The following DPP10 variants were observed in gnomAD, a reference collection of about 807,000 sequenced individuals.
DPP10 encodes dipeptidyl peptidase like 10, also known as inactive dipeptidyl peptidase 10.
DPP10 carries 33 observed loss-of-function variants against 120.9 expected under a neutral mutation model. The ratio of observed to expected loss-of-function variants is 0.27; its 90% CI spans 0.21 to 0.37. DPP10 has a LOEUF of 0.37. Among genes scored for constraint, DPP10 ranks in the 10% least tolerant of loss-of-function variants. The pLI, the probability that DPP10 is intolerant of heterozygous loss-of-function variation, is 1.00. For synonymous variants in DPP10, 337 were observed against 326.1 expected, an observed-to-expected ratio of 1.03 and a Z score of -0.36; for missense variants, 816 against 942.8, an observed-to-expected ratio of 0.87 and a Z score of 1.76.
intron 1 of DPP10, among the ~76,000 whole-genome samples, chr2:114,798,862 C>CACGCCTGT (rs1558752522): frequency 6.6e-6 from 1 of 152,008 alleles, no homozygotes; most frequent in African/African-American, 2.4e-5. Flanking sequence ...GGCATGGTTG[C>CACGCCTGT]TCACGCCTGT....
chr2:115,055,692 T>G (rs1705843553), intron 1 of DPP10, among the ~76,000 whole-genome samples: 1 of 152,218 alleles, frequency 6.6e-6, no homozygotes, highest in South Asian at 2.1e-4. Context: ...ATTGCAACAC[T>G]GGTAGAACGG....
intron 1 of DPP10, among the ~76,000 whole-genome samples, chr2:114,861,284 G>T (rs1689790665): frequency 6.6e-6 from 1 of 152,106 alleles, no homozygotes; most frequent in South Asian, 2.1e-4. Flanking sequence ...AACAGCAGAG[G>T]CTGCACAACT....
At chr2:115,707,746 A>G (rs955335577) in intron 7 of DPP10, among the ~76,000 whole-genome samples, 1 of 151,904 alleles carries the variant, frequency 6.6e-6, no homozygotes, top group Non-Finnish European at 1.5e-5. Flanking sequence ...TGATTCTTCT[A>G]TATGTGCAGG....
chr2:115,631,037 CTTTTTTTTTTTTTTT>C (rs58468918), intron 5 of DPP10, among the ~76,000 whole-genome samples: 61,324 of 115,284 alleles, frequency 0.53, 16,094 homozygotes, highest in Middle Eastern at 0.66. Context: ...TGATCCTGGG[CTTTTTTTTTTTTTTT>C]TTTTTTTTTG....
chr2:114,682,409 A>G (rs1167045183), intron 1 of DPP10, among the ~76,000 whole-genome samples: 2 of 151,844 alleles, frequency 1.3e-5, no homozygotes, highest in East Asian at 3.9e-4. Flanking sequence ...ATTCTAGTTT[A>G]CCTTCATCTT....
rs1378099690 is a variant in DPP10, at chr2:114,508,124, A to G, written c.60+65286A>G. 2.0e-5 allele frequency among the ~76,000 whole-genome samples: 3 copies of G among 151,904 alleles called. 1 individual carries two copies. The highest frequency in any genetic ancestry group is 3.4e-3 in the Middle Eastern group (1 of 294). On this transcript the variant is annotated intron_variant, in intron 1 of 25. Coordinates refer to ENST00000410059, the MANE Select transcript of DPP10 (RefSeq NM_020868.6). Reference sequence around the variant, plus strand: ...TGAGGCATAATTTACATACAATAACATGTATTTATTTTGATGTACAATTTG... The same window carrying G: ...TGAGGCATAATTTACATACAATAACGTGTATTTATTTTGATGTACAATTTG...
intron 3 of DPP10, among the ~76,000 whole-genome samples, chr2:115,377,582 T>C (rs2065912855): frequency 6.6e-6 from 1 of 152,190 alleles, no homozygotes; most frequent in Admixed American, 6.6e-5. Flanking sequence ...CAATTTTGTC[T>C]TTTGTTGCCA....
intron 1 of DPP10, among the ~76,000 whole-genome samples, chr2:114,881,526 A>G (rs1255912872): frequency 6.7e-6 from 1 of 149,486 alleles, no homozygotes; most frequent in African/African-American, 2.5e-5. Context: ...CTATCTATCC[A>G]TCTATCTATC....
chr2:114,687,202 A>G (rs982456186), intron 1 of DPP10, among the ~76,000 whole-genome samples: 4 of 151,904 alleles, frequency 2.6e-5, no homozygotes, highest in Non-Finnish European at 5.9e-5. Context: ...TTGAGTCACC[A>G]TTGCTTATTT....
intron 5 of DPP10, among the ~76,000 whole-genome samples, chr2:115,659,767 A>G (rs577894008): frequency 1.1e-4 from 17 of 152,202 alleles, no homozygotes; most frequent in Non-Finnish European, 1.8e-4. Context: ...GTCAGTAACT[A>G]TTACAAGGAA....
chr2:114,969,091 C>A (rs925263297), intron 1 of DPP10, among the ~76,000 whole-genome samples: 2 of 152,142 alleles, frequency 1.3e-5, no homozygotes, highest in South Asian at 4.1e-4. Context: ...CAAATGAAGT[C>A]TTTTTATTTA....
chr2:115,264,406 A>G lies in DPP10; in HGVS notation c.61-44833A>G, dbSNP rs564164269. Among the ~76,000 whole-genome samples the G allele has an allele frequency of 2.0e-5, 3 of 152,192 alleles. No individual in the cohort carries two copies. The South Asian group carries it at 6.2e-4, about 31-fold the overall frequency. ...CTTTGCTGGGGAATAATATTTGTAC[A>G]GGATAGGGCAGGATCGCATAAACAA... On this transcript the variant is annotated intron_variant, in intron 1 of 25. Transcript: ENST00000410059.
At chr2:115,208,375 G>A (rs1036172078) in intron 1 of DPP10, among the ~76,000 whole-genome samples, 2 of 151,268 alleles carry the variant, frequency 1.3e-5, no homozygotes, top group East Asian at 3.9e-4. Context: ...AATTTATCTC[G>A]CTATTTTTAT....
chr2:115,336,942 T>C (rs966494810), intron 2 of DPP10, among the ~76,000 whole-genome samples: 2 of 152,024 alleles, frequency 1.3e-5, no homozygotes, highest in Admixed American at 1.3e-4. Context: ...TTTAAATGTA[T>C]CAAATAGTAA....
chr2:115,328,659 A>C (rs1355555367), intron 2 of DPP10, among the ~76,000 whole-genome samples: 1 of 151,662 alleles, frequency 6.6e-6, no homozygotes, highest in Non-Finnish European at 1.5e-5. Flanking sequence ...GCTTCAAATA[A>C]AATTCTATAC....
At chr2:114,912,181 TAAG>T (rs1233375084) in intron 1 of DPP10, among the ~76,000 whole-genome samples, 1 of 151,834 alleles carries the variant, frequency 6.6e-6, no homozygotes, top group Non-Finnish European at 1.5e-5. Context: ...TTTCAAAGAG[TAAG>T]AACCAAGGAG....
chr2:114,709,441 C>T (rs1424036572), intron 1 of DPP10, among the ~76,000 whole-genome samples: 3 of 152,130 alleles, frequency 2.0e-5, no homozygotes, highest in Non-Finnish European at 2.9e-5. Flanking sequence ...CTTAAATTTC[C>T]TTTATTTCAA....
At chr2:115,664,618 AG>A (rs2089293989) in intron 5 of DPP10, among the ~76,000 whole-genome samples, 1 of 152,200 alleles carries the variant, frequency 6.6e-6, no homozygotes, top group South Asian at 2.1e-4. Flanking sequence ...GAAGCTTGTC[AG>A]TAGAATGTGA....
intron 1 of DPP10, among the ~76,000 whole-genome samples, chr2:114,894,350 C>T (rs1692792430): frequency 6.6e-6 from 1 of 152,202 alleles, no homozygotes; most frequent in East Asian, 1.9e-4. Context: ...TCCTAAGTAA[C>T]TCTAATTAAA....
Sources: allele counts gnomAD v4.1 joint callset (sites outside exome capture counted in the v4.1 genomes callset), GRCh38; gene constraint gnomAD v4.1.1; transcripts MANE v1.5; gene names NCBI Gene and HGNC (gene_info 2026-07-23, HGNC 2026-07-21).